Variants in NCALD observed in about 807,000 individuals in gnomAD.
NCALD encodes the protein neurocalcin-delta.
A neutral mutation model predicts 18.6 loss-of-function variants in NCALD; 10 were observed. The observed-to-expected ratio is 0.54, with a 90% CI of 0.33 to 0.91. NCALD has a LOEUF of 0.91. NCALD is among the 40% of genes least tolerant of loss of function. NCALD has a pLI of 0.03. For synonymous variants in NCALD, 88 were observed against 87.4 expected (o/e 1.01, Z -0.04); for missense variants, 184 against 247.6 (o/e 0.74, Z 1.72).
intron 2 of NCALD, among the ~76,000 whole-genome samples, chr8:101,919,353 AC>A (rs1472838610): frequency 2.0e-5 from 3 of 152,176 alleles, no homozygotes; most frequent in Non-Finnish European, 2.9e-5. Flanking sequence ...CTGTACCCCT[AC>A]CTTTCATCAC....
At chr8:102,092,933 T>C (rs1172133118) in intron 1 of NCALD, among the ~76,000 whole-genome samples, 1 of 152,202 alleles carries the variant, frequency 6.6e-6, no homozygotes, top group Non-Finnish European at 1.5e-5. Context: ...ACTATAACTA[T>C]ATGAGAGCAG....
intron 2 of NCALD, among the ~76,000 whole-genome samples, chr8:102,018,731 T>C (rs1822173460): frequency 6.6e-6 from 1 of 152,160 alleles, no homozygotes; most frequent in Non-Finnish European, 1.5e-5. Context: ...TTACCATGTG[T>C]TAATCATACC....
At chr8:101,751,180 C>T (rs1399330690) in intron 1 of NCALD, among the ~76,000 whole-genome samples, 2 of 152,188 alleles carry the variant, frequency 1.3e-5, no homozygotes, top group Non-Finnish European at 2.9e-5. Flanking sequence ...AGCTCTGACA[C>T]ATGCTACAAC....
chr8:101,946,809 CAAAAAAAAAAAAAA>C (rs71268537), intron 2 of NCALD, among the ~76,000 whole-genome samples: 1 of 65,670 alleles, frequency 1.5e-5, no homozygotes, highest in Non-Finnish European at 2.8e-5. Context: ...CATCAATTAG[CAAAAAAAAAAAAAA>C]AAAAAAAAAA....
At chr8:102,041,487 C>A (rs756861584) in intron 1 of NCALD, among the ~76,000 whole-genome samples, 3 of 152,240 alleles carry the variant, frequency 2.0e-5, no homozygotes, top group Non-Finnish European at 4.4e-5. Flanking sequence ...ACCAGAGGAG[C>A]TGAGATGACC....
chr8:102,118,014 G>A (rs537974920), intron 1 of NCALD, among the ~76,000 whole-genome samples: 2 of 152,138 alleles, frequency 1.3e-5, no homozygotes, highest in African/African-American at 4.8e-5. Flanking sequence ...TCAATGCCTC[G>A]GTTCACTTAC....
chr8:101,918,772 A>ACACACACG (rs1489118720), intron 2 of NCALD, among the ~76,000 whole-genome samples: 2 of 151,574 alleles, frequency 1.3e-5, no homozygotes, highest in East Asian at 3.9e-4. Context: ...ACACACACAC[A>ACACACACG]CAGATACCTA....
chr8:101,856,707 G>T (rs1815334885), intron 4 of NCALD, among the ~76,000 whole-genome samples: 1 of 152,096 alleles, frequency 6.6e-6, no homozygotes, highest in African/African-American at 2.4e-5. Context: ...AGCAGCCCCT[G>T]GAAACCAGGC....
At chr8:101,778,885 A>G (rs1002000180) in intron 1 of NCALD, among the ~76,000 whole-genome samples, 1 of 152,172 alleles carries the variant, frequency 6.6e-6, no homozygotes, top group Non-Finnish European at 1.5e-5. Flanking sequence ...AAGAGGAATA[A>G]TAATTTAAAA....
At chr8:102,023,575 T>G (rs569468984) in intron 1 of NCALD, among the ~76,000 whole-genome samples, 1 of 152,306 alleles carries the variant, frequency 6.6e-6, no homozygotes, top group East Asian at 1.9e-4. Flanking sequence ...TTGACCAAAT[T>G]GTGTAAACTC....
At chr8:101,812,689 A>C (rs1229513750) in intron 4 of NCALD, among the ~76,000 whole-genome samples, 4 of 152,188 alleles carry the variant, frequency 2.6e-5, no homozygotes, top group Admixed American at 2.6e-4. Context: ...GGGATTGAGT[A>C]ACAATGGAAC....
chr8:101,861,373 T>C (rs1815535805), intron 4 of NCALD, among the ~76,000 whole-genome samples: 1 of 152,006 alleles, frequency 6.6e-6, no homozygotes, highest in African/African-American at 2.4e-5. Context: ...TCAGCTTATA[T>C]TGGGAGAGAC....
At chr8:101,699,749 G>C (rs1467663232) in intron 2 of NCALD, among the ~76,000 whole-genome samples, 1 of 152,086 alleles carries the variant, frequency 6.6e-6, no homozygotes, top group Non-Finnish European at 1.5e-5. Flanking sequence ...AACACACACT[G>C]GGGCCAGTTG....
upstream of NCALD, among the ~76,000 whole-genome samples, chr8:101,791,690 A>C (rs1812451519): frequency 6.6e-6 from 1 of 152,120 alleles, no homozygotes; most frequent in African/African-American, 2.4e-5. Context: ...GGACCGAAGG[A>C]GTTTCAAAAC....
At chr8:101,902,312 T>C (rs1817462892) in intron 3 of NCALD, among the ~76,000 whole-genome samples, 1 of 150,304 alleles carries the variant, frequency 6.7e-6, no homozygotes, top group East Asian at 1.9e-4. Context: ...TCCTAGAAAT[T>C]GGAAAAAATA....
rs76385909 is a variant in NCALD at position 102,025,306 on chromosome 8, T to G, written c.-209-5017A>C. On this transcript the variant is annotated intron_variant, in intron 1 of 6. Coordinates refer to the NCALD transcript ENST00000311028. ...CCACCCCAGAAGGAAATTTGGTCTT[T>G]GCTACATGCTCTGCAGTTCACTATT... 1.4e-4 allele frequency among the ~76,000 whole-genome samples: 22 copies of G among 152,380 alleles called. No individual in the cohort carries two copies. In the East Asian group the frequency reaches 4.2e-3, roughly 29 times the overall value.
chr8:101,957,189 A>G (rs1819658901), intron 2 of NCALD, among the ~76,000 whole-genome samples: 1 of 152,112 alleles, frequency 6.6e-6, no homozygotes, highest in South Asian at 2.1e-4. Flanking sequence ...AATCAATTAT[A>G]AACATTCTAT....
chr8:101,761,172 C>G (rs537472429), intron 1 of NCALD, among the ~76,000 whole-genome samples: 2 of 152,130 alleles, frequency 1.3e-5, no homozygotes, highest in Non-Finnish European at 2.9e-5. Context: ...TCCCATGAAT[C>G]ATGATGAATT....
chr8:101,751,243 G>A (rs1232173146), intron 1 of NCALD, among the ~76,000 whole-genome samples: 1 of 152,162 alleles, frequency 6.6e-6, no homozygotes, highest in African/African-American at 2.4e-5. Context: ...GACATAGGAG[G>A]ACAAATATTG....
Sources: allele counts gnomAD v4.1 joint callset (sites outside exome capture counted in the v4.1 genomes callset), GRCh38; gene constraint gnomAD v4.1.1; transcripts MANE v1.5; gene names NCBI Gene and HGNC (gene_info 2026-07-23, HGNC 2026-07-21).